RNGTT: variants seen among roughly 807,000 people sequenced by gnomAD.
RNGTT encodes mRNA-capping enzyme.
RNGTT carries 33 observed loss-of-function variants against 79.3 expected under a neutral mutation model. That is an observed-to-expected ratio of 0.42 (90% CI 0.32 to 0.56). RNGTT has a LOEUF of 0.56. Ranked by LOEUF, RNGTT falls within the 20% of genes least tolerant of loss-of-function variation. The pLI is 0.17. For missense variants in RNGTT, 497 were observed against 739.1 expected, an observed-to-expected ratio of 0.67 and a Z score of 3.80; for synonymous variants, 222 against 235.9, an observed-to-expected ratio of 0.94 and a Z score of 0.54.
intron 1 of RNGTT, among the ~76,000 whole-genome samples, chr6:88,950,316 G>A (rs1327060177): frequency 6.6e-6 from 1 of 152,178 alleles, no homozygotes; most frequent in Admixed American, 6.5e-5. Context: ...AGCAGCCCAT[G>A]GATCAAGGGA....
At chr6:88,750,297 A>G (rs992956606) in intron 13 of RNGTT, among the ~76,000 whole-genome samples, 6 of 152,176 alleles carry the variant, frequency 3.9e-5, no homozygotes, top group African/African-American at 1.4e-4. Context: ...GTAACTAGTG[A>G]GAGCAAGGGT....
At chr6:88,614,842 T>A (rs1772160467) in intron 14 of RNGTT, among the ~76,000 whole-genome samples, 1 of 152,218 alleles carries the variant, frequency 6.6e-6, no homozygotes, top group Non-Finnish European at 1.5e-5. Context: ...ATGAAAAAGT[T>A]ACATATCAAT....
At chr6:88,885,459 T>C (rs1039413005) in intron 8 of RNGTT, among the ~76,000 whole-genome samples, 34 of 152,056 alleles carry the variant, frequency 2.2e-4, no homozygotes, top group African/African-American at 7.2e-4. Flanking sequence ...TACGTGTCTA[T>C]GAGTCCACAC....
intron 11 of RNGTT, among the ~76,000 whole-genome samples, chr6:88,836,053 AT>A (rs967035334): frequency 5.4e-5 from 8 of 147,982 alleles, no homozygotes; most frequent in Non-Finnish European, 7.4e-5. Flanking sequence ...ATATATATAT[AT>A]ATATAAGATT....
chr6:88,674,932 A>G (rs1252361204), intron 14 of RNGTT, among the ~76,000 whole-genome samples: 1 of 152,050 alleles, frequency 6.6e-6, no homozygotes, highest in African/African-American at 2.4e-5. Flanking sequence ...CCACAGCTCT[A>G]CTAAAAATAC....
intron 1 of RNGTT, among the ~76,000 whole-genome samples, chr6:88,956,120 GA>G (rs972280008): frequency 7.3e-6 from 1 of 136,376 alleles, no homozygotes; most frequent in Non-Finnish European, 1.6e-5. Context: ...GATTAACCAA[GA>G]AAAGAAGAAG....
chr6:88,720,123 A>G (rs1475781900), intron 13 of RNGTT, among the ~76,000 whole-genome samples: 1 of 152,212 alleles, frequency 6.6e-6, no homozygotes. Flanking sequence ...CAAAGCATTC[A>G]TTCTCCAATG....
intron 13 of RNGTT, among the ~76,000 whole-genome samples, chr6:88,700,412 C>T (rs994284833): frequency 1.3e-5 from 2 of 152,162 alleles, no homozygotes; most frequent in Non-Finnish European, 1.5e-5. Flanking sequence ...TTTCCTTCCT[C>T]ATCTCCTCCT....
chr6:88,768,789 G>A (rs1471084983), intron 13 of RNGTT, among the ~76,000 whole-genome samples: 2 of 152,072 alleles, frequency 1.3e-5, no homozygotes, highest in Non-Finnish European at 2.9e-5. Context: ...ATAAAAACAA[G>A]GCTTTGGAAA....
chr6:88,929,830 AC>A lies in RNGTT; in HGVS notation c.175-564del, dbSNP rs201315614. On this transcript the variant is annotated intron_variant, in intron 2 of 15. Coordinates refer to ENST00000369485, the MANE Select transcript of RNGTT (RefSeq NM_003800.5). ...TATATATATATACATACATATACAC[AC>A]ATATACATATACACACATATACATA... Among the ~76,000 whole-genome samples the A allele has an allele frequency of 4.5e-3, 679 of 151,792 alleles. 5 individuals carry two copies. The highest frequency in any genetic ancestry group is 0.015 in the African/African-American group (622 of 41,414).
chr6:88,638,194 A>G (rs564926573), intron 14 of RNGTT, among the ~76,000 whole-genome samples: 2 of 152,192 alleles, frequency 1.3e-5, no homozygotes, highest in Non-Finnish European at 2.9e-5. Flanking sequence ...CTATTCTTTC[A>G]GATAACATAT....
intron 11 of RNGTT, among the ~76,000 whole-genome samples, chr6:88,826,903 G>A (rs983488411): frequency 3.4e-5 from 5 of 147,712 alleles, no homozygotes; most frequent in Admixed American, 1.4e-4. Context: ...AAATTAATGT[G>A]CTGGAACTAA....
intron 13 of RNGTT, among the ~76,000 whole-genome samples, chr6:88,742,544 C>A (rs1030163391): frequency 1.3e-5 from 2 of 152,044 alleles, no homozygotes; most frequent in Non-Finnish European, 2.9e-5. Context: ...GGAAAAGTTG[C>A]GAGACTACGT....
At chr6:88,616,784 C>T (rs1772241382) in intron 14 of RNGTT, among the ~76,000 whole-genome samples, 1 of 152,292 alleles carries the variant, frequency 6.6e-6, no homozygotes, top group South Asian at 2.1e-4. Flanking sequence ...ATATTCTGGA[C>T]ATTAACTTCT....
At chr6:88,897,971 G>GA (rs1409680773) in intron 6 of RNGTT, among the ~76,000 whole-genome samples, 1 of 152,050 alleles carries the variant, frequency 6.6e-6, no homozygotes, top group Non-Finnish European at 1.5e-5. Context: ...ATGAGAAAAA[G>GA]AGAGCACAAG....
At chr6:88,695,256 G>A (rs541678208) in intron 13 of RNGTT, among the ~76,000 whole-genome samples, 1 of 152,124 alleles carries the variant, frequency 6.6e-6, no homozygotes, top group Non-Finnish European at 1.5e-5. Context: ...ATCTGTAAGC[G>A]AGACATTTGA....
chr6:88,887,909 A>G (rs1463102299), intron 8 of RNGTT, among the ~76,000 whole-genome samples: 1 of 152,214 alleles, frequency 6.6e-6, no homozygotes, highest in East Asian at 1.9e-4. Context: ...ACAGCCCAGG[A>G]GCTCAAGACC....
chr6:88,670,314 G>T (rs569157159), intron 14 of RNGTT, among the ~76,000 whole-genome samples: 1 of 152,202 alleles, frequency 6.6e-6, no homozygotes, highest in Non-Finnish European at 1.5e-5. Context: ...GAACCTGCTT[G>T]TTGCTCCCCT....
At chr6:88,939,901 C>T (rs34515951) in intron 2 of RNGTT, among the ~76,000 whole-genome samples, 14,559 of 151,020 alleles carry the variant, frequency 0.096, 912 homozygotes, top group South Asian at 0.2. Context: ...TACAGGCACA[C>T]ACCACCATGC....
Sources: gnomAD v4.1 joint callset for allele counts (sites outside exome capture counted in the v4.1 genomes callset) on GRCh38, gnomAD v4.1.1 for gene constraint, MANE v1.5 for transcripts, NCBI Gene and HGNC (gene_info 2026-07-23, HGNC 2026-07-21) for gene names.